The following NALF1 variants were observed in gnomAD, a reference collection of about 807,000 sequenced individuals.
NALF1 encodes the protein family with sequence similarity 155 member A.
In NALF1, 3 loss-of-function variants were observed where a neutral mutation model predicts 48.4. That is an observed-to-expected ratio of 0.06 (90% CI 0.03 to 0.16). The LOEUF is 0.16. NALF1 is among the 10% of genes least tolerant of loss of function. The pLI is 1.00. For missense variants in NALF1, 526 were observed against 571.5 expected, an observed-to-expected ratio of 0.92 and a Z score of 0.81; for synonymous variants, 262 against 245.7, an observed-to-expected ratio of 1.07 and a Z score of -0.62.
intron 1 of NALF1, among the ~76,000 whole-genome samples, chr13:107,431,588 T>C (rs976323725): frequency 2.0e-5 from 3 of 152,226 alleles, no homozygotes; most frequent in African/African-American, 7.2e-5. Context: ...AAGAGTGCCA[T>C]CACCAGTTAG....
intron 1 of NALF1, among the ~76,000 whole-genome samples, chr13:107,828,161 T>C (rs1263141811): frequency 6.6e-6 from 1 of 152,340 alleles, no homozygotes; most frequent in African/African-American, 2.4e-5. Flanking sequence ...AACACTTTTA[T>C]TAAGCCATGC....
chr13:107,674,485 CCTT>C (rs1432246563), intron 1 of NALF1, among the ~76,000 whole-genome samples: 1 of 152,126 alleles, frequency 6.6e-6, no homozygotes, highest in East Asian at 1.9e-4. Flanking sequence ...AACCTTATGC[CCTT>C]CTTTTCAATT....
At chr13:107,807,371 A>C (rs2138602896) in intron 1 of NALF1, among the ~76,000 whole-genome samples, 1 of 152,330 alleles carries the variant, frequency 6.6e-6, no homozygotes, top group East Asian at 1.9e-4. Flanking sequence ...AGTAAAAACA[A>C]AAGGCTTAAC....
chr13:107,325,855 C>CAT (rs1228535140), intron 1 of NALF1, among the ~76,000 whole-genome samples: 98 of 54,042 alleles, frequency 1.8e-3, no homozygotes, highest in Middle Eastern at 0.014. Flanking sequence ...CACACACACA[C>CAT]ATATATATAT....
chr13:107,281,351 A>G (rs78231284), intron 1 of NALF1, among the ~76,000 whole-genome samples: 4,520 of 152,330 alleles, frequency 0.03, 70 homozygotes, highest in Middle Eastern at 0.054. Context: ...AAGGAGCAGA[A>G]AAACTATCAT....
chr13:107,191,515 T>TA (rs1685623740), intron 2 of NALF1, among the ~76,000 whole-genome samples: 1 of 152,176 alleles, frequency 6.6e-6, no homozygotes, highest in Admixed American at 6.5e-5. Context: ...TTAAAAAATG[T>TA]AAAAATCAGT....
At chr13:107,778,379 G>A (rs1023476541) in intron 1 of NALF1, among the ~76,000 whole-genome samples, 1 of 152,198 alleles carries the variant, frequency 6.6e-6, no homozygotes, top group Non-Finnish European at 1.5e-5. Context: ...AACATCTAAT[G>A]TGACACTGTG....
At chr13:107,242,408 C>G (rs1294611684) in intron 1 of NALF1, among the ~76,000 whole-genome samples, 1 of 152,214 alleles carries the variant, frequency 6.6e-6, no homozygotes, top group African/African-American at 2.4e-5. Context: ...AGGCTGTGAC[C>G]TCCAGGAGGA....
At chr13:107,761,566 C>A (rs1877266249) in intron 1 of NALF1, among the ~76,000 whole-genome samples, 1 of 152,210 alleles carries the variant, frequency 6.6e-6, no homozygotes, top group African/African-American at 2.4e-5. Context: ...TTTGTTAGTG[C>A]CTGTCAGATT....
intron 1 of NALF1, among the ~76,000 whole-genome samples, chr13:107,537,438 G>C (rs564198409): frequency 4.6e-5 from 7 of 152,186 alleles, no homozygotes; most frequent in African/African-American, 1.7e-4. Context: ...GATATGAATG[G>C]AACTGAGATT....
chr13:107,813,825 G>T (rs73587750), intron 1 of NALF1, among the ~76,000 whole-genome samples: 6,470 of 152,166 alleles, frequency 0.043, 179 homozygotes, highest in African/African-American at 0.08. Context: ...ATGCAGGTGG[G>T]TCTGTGTTGC....
chr13:107,289,455 T>A (rs937494799), intron 1 of NALF1, among the ~76,000 whole-genome samples: 8 of 152,278 alleles, frequency 5.3e-5, no homozygotes, highest in Admixed American at 3.3e-4. Context: ...ATTCCGGATT[T>A]TTTTGGCATT....
At chr13:107,753,226 A>G (rs1876989445) in intron 1 of NALF1, among the ~76,000 whole-genome samples, 1 of 152,136 alleles carries the variant, frequency 6.6e-6, no homozygotes, top group Admixed American at 6.5e-5. Flanking sequence ...AAAGATTCCA[A>G]ACTTCTTCAA....
At chr13:107,650,394 T>TAA (rs11330259) in intron 1 of NALF1, among the ~76,000 whole-genome samples, 35 of 107,664 alleles carry the variant, frequency 3.3e-4, no homozygotes, top group South Asian at 7.3e-4. Flanking sequence ...CTGCAACCAT[T>TAA]AAAAAAAAAA....
At chr13:107,551,126 T>C (rs541087865) in intron 1 of NALF1, among the ~76,000 whole-genome samples, 114 of 152,284 alleles carry the variant, frequency 7.5e-4, no homozygotes, top group Non-Finnish European at 1.4e-3. Flanking sequence ...CTGGTCGTAC[T>C]GCGTCTGAAG....
intron 1 of NALF1, among the ~76,000 whole-genome samples, chr13:107,696,634 A>G (rs1566447379): frequency 6.6e-6 from 1 of 151,822 alleles, no homozygotes; most frequent in Non-Finnish European, 1.5e-5. Context: ...AAATATCAGA[A>G]TTATTAATGT....
chr13:107,524,515 G>A (rs1190524647), intron 1 of NALF1, among the ~76,000 whole-genome samples: 1 of 152,050 alleles, frequency 6.6e-6, no homozygotes, highest in Non-Finnish European at 1.5e-5. Context: ...AGAGCAGGAT[G>A]ATCAACCAAG....
At chr13:107,432,346 G>C (rs917673370) in intron 1 of NALF1, among the ~76,000 whole-genome samples, 1 of 152,164 alleles carries the variant, frequency 6.6e-6, no homozygotes, top group African/African-American at 2.4e-5. Flanking sequence ...GATGTGGAGG[G>C]AACAAATATC....
intron 1 of NALF1, among the ~76,000 whole-genome samples, chr13:107,677,100 G>A (rs560733759): frequency 6.6e-6 from 1 of 152,328 alleles, no homozygotes; most frequent in South Asian, 2.1e-4. Context: ...AGGCTGGAGT[G>A]CAGTGGTGCA....
Sources: allele counts gnomAD v4.1 joint callset (sites outside exome capture counted in the v4.1 genomes callset), GRCh38; gene constraint gnomAD v4.1.1; transcripts MANE v1.5; gene names NCBI Gene and HGNC (gene_info 2026-07-23, HGNC 2026-07-21).